The following PELI2 variants were observed in gnomAD, a reference collection of about 807,000 sequenced individuals.
PELI2 encodes E3 ubiquitin-protein ligase pellino homolog 2.
PELI2 carries 23 observed loss-of-function variants against 42.3 expected under a neutral mutation model. The ratio of observed to expected loss-of-function variants is 0.54; its 90% confidence interval spans 0.39 to 0.77. The LOEUF (loss-of-function observed/expected upper bound fraction) is 0.77. Among genes scored for constraint, PELI2 ranks in the 30% least tolerant of loss-of-function variants. The pLI is 0.00. For synonymous variants in PELI2, 245 were observed against 212.2 expected, an observed-to-expected ratio of 1.15 and a Z score of -1.34; for missense variants, 463 against 553.2, an observed-to-expected ratio of 0.84 and a Z score of 1.64.
chr14:56,118,879 ACGG>A (rs1882951572), intron 1 of PELI2, 142 bp downstream of exon 1: 2 of 452,128 alleles, frequency 4.4e-6, no homozygotes, highest in Non-Finnish European at 3.6e-6. Flanking sequence ...CAGGGCCCGG[ACGG>A]CGGCGCGGGG....
intron 2 of PELI2, among the ~76,000 whole-genome samples, chr14:56,256,543 G>A (rs150822866): frequency 1.6e-4 from 25 of 152,022 alleles, no homozygotes; most frequent in African/African-American, 5.3e-4. Flanking sequence ...GCATATATCC[G>A]GAAAATATTT....
At chr14:56,251,287 C>T (rs1034351278) in intron 2 of PELI2, among the ~76,000 whole-genome samples, 21 of 152,218 alleles carry the variant, frequency 1.4e-4, no homozygotes, top group African/African-American at 4.8e-4. Flanking sequence ...TTCACAGATG[C>T]AATTATCCTC....
intron 2 of PELI2, among the ~76,000 whole-genome samples, chr14:56,257,446 T>A (rs936919422): frequency 1.3e-4 from 20 of 152,204 alleles, no homozygotes; most frequent in African/African-American, 4.8e-4. Flanking sequence ...AAGTTTAAAA[T>A]TGTTTAAATT....
rs906689477 is a variant in PELI2 at position 56,299,609 on chromosome 14, A to T, written c.*2443A>T. The T allele has an allele frequency of 1.3e-5, 2 of 150,766 alleles. No individual in the cohort carries two copies. The highest frequency in any genetic ancestry group is 1.5e-5 in the Non-Finnish European group (1 of 67,636). The allele number at this position is 150,766 out of a possible 1,614,324, so 9.3% of individuals were successfully genotyped here. On this transcript the variant is annotated 3_prime_UTR_variant, in exon 6 of 6. Coordinates refer to ENST00000267460, the MANE Select transcript of PELI2 (RefSeq NM_021255.3). Reference sequence around the variant, plus strand: ...TCCCTTTACAATTTTGACTAAGGAGATTTTTTTTTTCACAGTTGAGTTAGT... The same window carrying T: ...TCCCTTTACAATTTTGACTAAGGAGTTTTTTTTTTTCACAGTTGAGTTAGT...
intron 2 of PELI2, among the ~76,000 whole-genome samples, chr14:56,206,859 A>T (rs756267010): frequency 1.4e-4 from 22 of 152,284 alleles, no homozygotes; most frequent in South Asian, 2.1e-4. Flanking sequence ...CACTCCTTTG[A>T]TTAAACTTGT....
chr14:56,204,484 C>G lies in PELI2; in HGVS notation c.207+26020C>G, dbSNP rs144840998. ...TTTGGAGGAGGACCATGGTCTTTTT[C>G]TTGGAGGGAGTAGAACAGGGGAGAA... is the stretch of plus-strand genomic sequence containing the variant. On this transcript the variant is annotated intron_variant, in intron 2 of 5. Coordinates refer to ENST00000267460, the MANE Select transcript of PELI2 (RefSeq NM_021255.3). Among the ~76,000 whole-genome samples the G allele has an allele frequency of 2.1e-3, 313 of 152,164 alleles. 1 individual carries two copies. Among genetic ancestry groups the G allele is most frequent in the African/African-American group, 7.4e-3 (306 of 41,520 alleles).
At chr14:56,235,636 A>T (rs7153057) in intron 2 of PELI2, among the ~76,000 whole-genome samples, 1 of 152,208 alleles carries the variant, frequency 6.6e-6, no homozygotes, top group Non-Finnish European at 1.5e-5. Flanking sequence ...CCATCCAGGG[A>T]TATAGTGGTA....
At chr14:56,286,185 G>A (rs1566684526) in intron 3 of PELI2, among the ~76,000 whole-genome samples, 1 of 152,202 alleles carries the variant, frequency 6.6e-6, no homozygotes. Context: ...AGAAATTGGT[G>A]ACTCAAGAAA....
At chr14:56,211,577 G>A (rs1020295680) in intron 2 of PELI2, among the ~76,000 whole-genome samples, 3 of 152,176 alleles carry the variant, frequency 2.0e-5, no homozygotes, top group Non-Finnish European at 2.9e-5. Flanking sequence ...TTCAGCTCTA[G>A]TCATAGTACT....
chr14:56,135,739 A>G (rs751219231), intron 1 of PELI2, among the ~76,000 whole-genome samples: 1 of 152,232 alleles, frequency 6.6e-6, no homozygotes. Flanking sequence ...TAACAGTGTA[A>G]TATGCTGTAT....
chr14:56,251,153 G>A (rs1030909079), intron 2 of PELI2, among the ~76,000 whole-genome samples: 7 of 152,188 alleles, frequency 4.6e-5, no homozygotes, highest in Admixed American at 6.5e-5. Context: ...GGGTTTGTCT[G>A]TGAGCTATTA....
At chr14:56,231,023 T>C (rs1177288754) in intron 2 of PELI2, among the ~76,000 whole-genome samples, 1 of 152,156 alleles carries the variant, frequency 6.6e-6, no homozygotes, top group African/African-American at 2.4e-5. Flanking sequence ...CATTACATAA[T>C]GGTAAAGGGA....
chr14:56,275,975 A>G (rs1241846436), intron 2 of PELI2, among the ~76,000 whole-genome samples: 1 of 152,226 alleles, frequency 6.6e-6, no homozygotes, highest in African/African-American at 2.4e-5. Flanking sequence ...TTCCAAAACA[A>G]CTTAGGGCCT....
intron 2 of PELI2, among the ~76,000 whole-genome samples, chr14:56,196,700 G>T (rs923583075): frequency 6.6e-6 from 1 of 152,158 alleles, no homozygotes; most frequent in African/African-American, 2.4e-5. Context: ...TGCCGATATG[G>T]TGTGTTAAGA....
intron 2 of PELI2, among the ~76,000 whole-genome samples, chr14:56,278,174 A>T (rs1295146724): frequency 6.6e-6 from 1 of 152,168 alleles, no homozygotes; most frequent in Non-Finnish European, 1.5e-5. Context: ...TATAAGTTTG[A>T]GTTTAATAAA....
chr14:56,251,012 G>A (rs1270567748), intron 2 of PELI2, among the ~76,000 whole-genome samples: 1 of 152,208 alleles, frequency 6.6e-6, no homozygotes, highest in Non-Finnish European at 1.5e-5. Flanking sequence ...GAGCTCTGAG[G>A]CCACATAGCC....
At chr14:56,281,613 T>G (rs922675376) in intron 3 of PELI2, among the ~76,000 whole-genome samples, 6 of 152,118 alleles carry the variant, frequency 3.9e-5, no homozygotes, top group African/African-American at 1.2e-4. Flanking sequence ...CTCAGACTGA[T>G]AAGAAGAGCC....
intron 2 of PELI2, among the ~76,000 whole-genome samples, chr14:56,254,609 A>C (rs1450210017): frequency 6.6e-6 from 1 of 152,196 alleles, no homozygotes; most frequent in Non-Finnish European, 1.5e-5. Context: ...AAACAACAAA[A>C]GCAATGGCAA....
chr14:56,177,016 A>T (rs1392897219), intron 1 of PELI2, among the ~76,000 whole-genome samples: 3 of 152,264 alleles, frequency 2.0e-5, no homozygotes, highest in Non-Finnish European at 4.4e-5. Flanking sequence ...AAAATAGTGT[A>T]CATGATTCTG....
Sources: gnomAD v4.1 joint callset for allele counts (sites outside exome capture counted in the v4.1 genomes callset) on GRCh38, gnomAD v4.1.1 for gene constraint, MANE v1.5 for transcripts, NCBI Gene and HGNC (gene_info 2026-07-23, HGNC 2026-07-21) for gene names.